The following IGF1R variants were observed in gnomAD, a reference collection of about 807,000 sequenced individuals.
The protein encoded by IGF1R is insulin like growth factor 1 receptor, also known as insulin-like growth factor 1 receptor.
In IGF1R, 44 loss-of-function variants were observed where a neutral mutation model predicts 144.6. That is an observed-to-expected ratio of 0.30 (90% CI 0.24 to 0.39). The LOEUF (loss-of-function observed/expected upper bound fraction) is 0.39, where lower values mean the gene tolerates loss of function less well. Among genes scored for constraint, IGF1R ranks in the 10% least tolerant of loss-of-function variants. The probability of loss-of-function intolerance (pLI) is 1.00; values close to 1 mark genes in which losing one functional copy is unlikely to be tolerated. For synonymous variants in IGF1R, 795 were observed against 722.8 expected, an observed-to-expected ratio of 1.10 and a Z score of -1.60; for missense variants, 1,355 against 1,833.7, an observed-to-expected ratio of 0.74 and a Z score of 4.77.
At chr15:98,861,541 G>T (rs1276224987) in intron 2 of IGF1R, among the ~76,000 whole-genome samples, 2 of 152,182 alleles carry the variant, frequency 1.3e-5, no homozygotes, top group Non-Finnish European at 2.9e-5. Flanking sequence ...CTTCCTAGTT[G>T]TTGCAGCCTT....
At chr15:98,672,066 A>C (rs968523436) in intron 1 of IGF1R, among the ~76,000 whole-genome samples, 5 of 152,242 alleles carry the variant, frequency 3.3e-5, no homozygotes, top group Non-Finnish European at 7.3e-5. Context: ...CAGGGTGCAC[A>C]GACATTTTCC....
chr15:98,698,010 C>G (rs1293495032), intron 1 of IGF1R, among the ~76,000 whole-genome samples: 1 of 148,192 alleles, frequency 6.7e-6, no homozygotes, highest in Non-Finnish European at 1.5e-5. Flanking sequence ...GCTGAGATTA[C>G]AGGCGTGAGC....
intron 2 of IGF1R, among the ~76,000 whole-genome samples, chr15:98,795,665 C>G (rs950079367): frequency 6.6e-6 from 1 of 152,222 alleles, no homozygotes; most frequent in Admixed American, 6.5e-5. Flanking sequence ...ATCCACCTGT[C>G]TCGGCCTCCC....
At chr15:98,748,153 T>A (rs924345299) in intron 2 of IGF1R, among the ~76,000 whole-genome samples, 3 of 152,160 alleles carry the variant, frequency 2.0e-5, no homozygotes, top group Admixed American at 6.5e-5. Flanking sequence ...CATGCACAAC[T>A]TTTAATTAAG....
intron 2 of IGF1R, among the ~76,000 whole-genome samples, chr15:98,718,717 T>G (rs764303584): frequency 2.6e-5 from 4 of 152,182 alleles, no homozygotes; most frequent in Non-Finnish European, 5.9e-5. Flanking sequence ...GGAGTTGGGC[T>G]TAGTAGTAAA....
chr15:98,959,891 T>TTTTAA lies in IGF1R; in HGVS notation c.*2454_*2458dup, dbSNP rs749897040. ...AAAGGTATTATATGTAGGAGTTTTC[T>TTTTAA]TTTAATTTATTTTGTGATAAATTAC... On this transcript the variant is annotated 3_prime_UTR_variant, in exon 21 of 21. Transcript: ENST00000650285. 1 of 233,028 alleles carries TTTTAA rather than the reference T, an allele frequency of 4.3e-6. No homozygotes were observed. Among genetic ancestry groups the TTTTAA allele is most frequent in the Non-Finnish European group, 8.5e-6 (1 of 118,032 alleles). The allele number at this position is 233,028 out of a possible 1,614,324, so 14.4% of individuals were successfully genotyped here.
intron 2 of IGF1R, among the ~76,000 whole-genome samples, chr15:98,759,943 A>G (rs1353933404): frequency 2.0e-5 from 3 of 152,236 alleles, no homozygotes; most frequent in Non-Finnish European, 4.4e-5. Flanking sequence ...CAAGATGACC[A>G]GTATTTGCAG....
rs1312591605 is a variant in IGF1R at position 98,913,277 on chromosome 15, C to CTT, written c.1824_1825dup (p.Ser609PhefsTer20). 6.2e-7 allele frequency: 1 copy of CTT among 1,612,038 alleles called. No individual in the cohort carries two copies. The highest frequency in any genetic ancestry group is 8.5e-7 in the Non-Finnish European group (1 of 1,178,210). On this transcript the variant is annotated frameshift_variant, in exon 8 of 21. Transcript: ENST00000650285. LOFTEE classifies it high-confidence loss of function. The stretch of plus-strand genomic sequence containing the variant: ...GAGATCTTGTACATTCGCACCAATG[C>CTT]TTCAGGTATCCATGCCTAGACAAGC...
intron 17 of IGF1R, among the ~76,000 whole-genome samples, chr15:98,936,571 C>T (rs2016156517): frequency 6.6e-6 from 1 of 150,550 alleles, no homozygotes; most frequent in African/African-American, 2.4e-5. Flanking sequence ...TTCCCCTTCT[C>T]GGCCCCTTTG....
At chr15:98,788,409 C>A (rs1434611043) in intron 2 of IGF1R, among the ~76,000 whole-genome samples, 1 of 152,178 alleles carries the variant, frequency 6.6e-6, no homozygotes, top group Non-Finnish European at 1.5e-5. Context: ...AAGGGAAGAA[C>A]TGTCCTGTTG....
At chr15:98,830,907 A>T (rs1390610941) in intron 2 of IGF1R, among the ~76,000 whole-genome samples, 1 of 152,080 alleles carries the variant, frequency 6.6e-6, no homozygotes, top group Non-Finnish European at 1.5e-5. Context: ...CCCGGCCAGG[A>T]TCTGATCATT....
rs183202147 is a variant in IGF1R, at chr15:98,715,564, C to T, written c.640+7457C>T. Among the ~76,000 whole-genome samples the T allele has an allele frequency of 2.6e-5, 4 of 152,254 alleles. No homozygotes were observed. In the East Asian group the frequency reaches 7.7e-4, roughly 29 times the overall value. ...TGTCTTGCTTTCCTCATGTGTATGC[C>T]AGTGTGACATTCTCGGCAGAGTGGG... On this transcript the variant is annotated intron_variant, in intron 2 of 20. Coordinates refer to ENST00000650285, the MANE Select transcript of IGF1R (RefSeq NM_000875.5).
At chr15:98,868,835 TA>T (rs1488836496) in intron 2 of IGF1R, among the ~76,000 whole-genome samples, 1 of 152,216 alleles carries the variant, frequency 6.6e-6, no homozygotes, top group Non-Finnish European at 1.5e-5. Context: ...CTACTACTAC[TA>T]AACATTCATT....
chr15:98,915,252 A>G (rs3784606), intron 8 of IGF1R, among the ~76,000 whole-genome samples: 31,408 of 152,154 alleles, frequency 0.21, 3,625 homozygotes, highest in South Asian at 0.37. Context: ...TCAGATAACT[A>G]TGCTTTGCCT....
chr15:98,661,423 C>T (rs7179841), intron 1 of IGF1R, among the ~76,000 whole-genome samples: 46,396 of 152,132 alleles, frequency 0.3, 8,216 homozygotes, highest in Non-Finnish European at 0.39. Flanking sequence ...TTAAAGTCTC[C>T]TCTTCCGAGG....
intron 13 of IGF1R, among the ~76,000 whole-genome samples, chr15:98,928,847 T>C (rs1596462159): frequency 2.6e-5 from 4 of 152,084 alleles, no homozygotes; most frequent in Non-Finnish European, 5.9e-5. Flanking sequence ...TCTGTGGTCT[T>C]AGACTTGTAG....
chr15:98,825,858 G>C lies in IGF1R; in HGVS notation c.641-65467G>C, dbSNP rs149149428. Among the ~76,000 whole-genome samples the C allele has an allele frequency of 8.6e-3, 1,307 of 152,276 alleles. 23 individuals are homozygous for C. The highest frequency in any genetic ancestry group is 0.03 in the African/African-American group (1,255 of 41,518). ...CCTGAATATTTTTGATCTGCAGTTG[G>C]TTGAATCCATGGGTGTGGAGCCCTC... On this transcript the variant is annotated intron_variant, in intron 2 of 20. Coordinates refer to ENST00000650285, the MANE Select transcript of IGF1R (RefSeq NM_000875.5).
At chr15:98,863,552 A>G (rs2012273421) in intron 2 of IGF1R, among the ~76,000 whole-genome samples, 1 of 152,160 alleles carries the variant, frequency 6.6e-6, no homozygotes, top group African/African-American at 2.4e-5. Context: ...TGTATTTTTT[A>G]ACAGTGAGGG....
At chr15:98,857,318 G>A (rs971432167) in intron 2 of IGF1R, among the ~76,000 whole-genome samples, 1 of 152,014 alleles carries the variant, frequency 6.6e-6, no homozygotes, top group East Asian at 1.9e-4. Context: ...TCCCAGGTTC[G>A]AGCAATTCTT....
Sources: allele counts gnomAD v4.1 joint callset (sites outside exome capture counted in the v4.1 genomes callset), GRCh38; gene constraint gnomAD v4.1.1; transcripts MANE v1.5; gene names NCBI Gene and HGNC (gene_info 2026-07-23, HGNC 2026-07-21).